The following ENOSF1 variants were observed in gnomAD, a reference collection of about 807,000 sequenced individuals.
ENOSF1 encodes the protein mitochondrial enolase superfamily member 1.
In ENOSF1, 73 loss-of-function variants were observed where a neutral mutation model predicts 68.2. That is an observed-to-expected ratio of 1.07 (90% confidence interval 0.89 to 1.30). The LOEUF (loss-of-function observed/expected upper bound fraction) is 1.30. ENOSF1 is among the 50% of genes most tolerant of loss of function. ENOSF1 has a pLI of 0.00. For synonymous variants in ENOSF1, 223 were observed against 210.4 expected (o/e 1.06, Z -0.52); for missense variants, 589 against 554.5 (o/e 1.06, Z -0.62).
At chr18:685,495 C>T (rs1331455412) in intron 10 of ENOSF1, among the ~76,000 whole-genome samples, 1 of 152,134 alleles carries the variant, frequency 6.6e-6, no homozygotes, top group South Asian at 2.1e-4. Flanking sequence ...ATATTTTACA[C>T]GTAAGAACTG....
chr18:705,933 C>T (rs2078878109), intron 2 of ENOSF1, among the ~76,000 whole-genome samples: 1 of 152,040 alleles, frequency 6.6e-6, no homozygotes, highest in East Asian at 1.9e-4. Flanking sequence ...TGCTTGAACC[C>T]AGGAGGCAGA....
At chr18:664,127 TATTG>T in the ENOSF1 span, among the ~76,000 whole-genome samples, 1 of 151,430 alleles carries the variant, frequency 6.6e-6, no homozygotes, top group Non-Finnish European at 1.5e-5. Flanking sequence ...ATTTTCACGA[TATTG>T]ATTCTTCCTA....
At chr18:684,920 G>A (rs555995734) in intron 10 of ENOSF1, among the ~76,000 whole-genome samples, 71 of 152,130 alleles carry the variant, frequency 4.7e-4, no homozygotes, top group Non-Finnish European at 9.4e-4. Flanking sequence ...GAGTGCAGTG[G>A]TATTATTGTA....
intron 2 of ENOSF1, among the ~76,000 whole-genome samples, chr18:699,452 T>C (rs1323697753): frequency 6.6e-6 from 1 of 150,746 alleles, no homozygotes; most frequent in Non-Finnish European, 1.5e-5. Flanking sequence ...CACTCCAGCC[T>C]AGGTGACAGA....
At chr18:712,270 A>G in intron 1 of ENOSF1, 2 of 1,529,510 alleles carry the variant, frequency 1.3e-6, no homozygotes, top group East Asian at 4.9e-5. Context: ...ACTTTACAGA[A>G]GCAATGGGTT....
downstream of ENOSF1, chr18:669,077 T>G (rs1255807993): frequency 1.2e-6 from 2 of 1,613,554 alleles, no homozygotes; most frequent in Non-Finnish European, 1.7e-6. Context: ...TACAGATTAT[T>G]CAGGACAGGG....
At chr18:666,784 G>A (rs189008307), downstream of ENOSF1, among the ~76,000 whole-genome samples, 22 of 152,374 alleles carry the variant, frequency 1.4e-4, no homozygotes, top group East Asian at 2.9e-3. Context: ...AGTTCTTAAA[G>A]GCAGAAAGTG....
intron 5 of ENOSF1, chr18:692,659 A>G (rs2077314855): frequency 1.0e-6 from 1 of 963,234 alleles, no homozygotes; most frequent in Admixed American, 6.1e-5. Flanking sequence ...ATTGAAAGGG[A>G]ACAGGATCCA....
rs1222512448 is a variant in ENOSF1, at chr18:670,525, C to T, written c.*3780G>A. On this transcript the variant is annotated 3_prime_UTR_variant, in exon 16 of 16. Transcript: ENST00000647584. ...ACCGATGGATAGTCTCCCTCAGCTC[C>T]GTGCCATCGCTGCAGAGGCTGTTAT... The T allele has an allele frequency of 3.3e-5, 22 of 662,516 alleles. No individual in the cohort carries two copies. The highest frequency in any genetic ancestry group is 3.6e-4 in the Middle Eastern group (1 of 2,756). The allele number at this position is 662,516 out of a possible 1,614,324, so 41.0% of individuals were successfully genotyped here. A position where few individuals can be genotyped will look rare whatever the true frequency, so the allele number is the denominator to read the frequency against.
rs1405578608 is a variant in ENOSF1, at chr18:677,524, T to C, written c.1049-80A>G. 6 of 1,341,170 alleles carry C rather than the reference T, an allele frequency of 4.5e-6. No homozygotes were observed. In the African/African-American group the frequency reaches 8.9e-5, roughly 20 times the overall value. 83.1% of individuals were successfully genotyped at this position (1,341,170 alleles called of 1,614,324 possible). A position where few individuals can be genotyped will look rare whatever the true frequency, so the allele number is the denominator to read the frequency against. On this transcript the variant is annotated intron_variant, in intron 13 of 15. Coordinates refer to ENST00000647584, the MANE Select transcript of ENOSF1 (RefSeq NM_017512.7). ...GTGAAAGGGAACTTTCTGGTTTTTC[T>C]TATTGCCCACAGGTGATTAAATCAT...
chr18:703,829 T>C lies in ENOSF1; in HGVS notation c.193+2641A>G. 1.3e-5 allele frequency among the ~76,000 whole-genome samples: 2 copies of C among 152,174 alleles called. 1 individual carries two copies. On this transcript the variant is annotated intron_variant, in intron 2 of 15. Transcript: ENST00000647584. The stretch of plus-strand genomic sequence containing the variant: ...CTGGTGGGAGGTGATTATTAGATCT[T>C]GGAGGTGGATTTCTCCTGAATGGTT...
rs960809056 is a variant in ENOSF1, at chr18:691,009, G to A, written c.535+59C>T. ...ACAATGTGTACCCCAAAAGGACAGGGGCACTCAAAAGTGGACAATGTTAGC... is the reference window on the plus strand; with the variant it reads ...ACAATGTGTACCCCAAAAGGACAGGAGCACTCAAAAGTGGACAATGTTAGC... On this transcript the variant is annotated intron_variant, in intron 7 of 15. Coordinates refer to ENST00000647584, the MANE Select transcript of ENOSF1 (RefSeq NM_017512.7). The A allele has an allele frequency of 2.6e-6, 4 of 1,568,196 alleles. No individual in the cohort carries two copies. In the Admixed American group the frequency reaches 5.0e-5, roughly 20 times the overall value.
In ENOSF1 at chr18:671,305, A is replaced by G; in HGVS notation, c.*3000T>C. 1.0e-6 allele frequency: 1 copy of G among 1,003,686 alleles called. No homozygotes were observed. Among genetic ancestry groups the G allele is most frequent in the East Asian group, 2.4e-5 (1 of 42,152 alleles). 62.2% of individuals were successfully genotyped at this position (1,003,686 alleles called of 1,614,324 possible). A position where few individuals can be genotyped will look rare whatever the true frequency, so the allele number is the denominator to read the frequency against. ...AAAAAAAGCCTTGCGGTGTCTGCAT[A>G]TTCTAATGTTTTTAAATGATGTTTT... On this transcript the variant is annotated 3_prime_UTR_variant, in exon 16 of 16. Transcript: ENST00000647584.
In ENOSF1 at chr18:674,693, T is replaced by C. The variant is rs147658143; in HGVS notation, c.1231-287A>G. On this transcript the variant is annotated intron_variant, in intron 15 of 15. Coordinates refer to ENST00000647584, the MANE Select transcript of ENOSF1 (RefSeq NM_017512.7). ...GCCACCATGCCCGGCTAATTTTTTG[T>C]ATTTTTTGTAGAGACAGGGTTTCAC... 2.0e-5 allele frequency among the ~76,000 whole-genome samples: 3 copies of C among 152,314 alleles called. No homozygotes were observed. The East Asian group carries it at 5.8e-4, about 29-fold the overall frequency.
intron 5 of ENOSF1, chr18:693,668 G>C: frequency 1.0e-6 from 1 of 985,372 alleles, no homozygotes; most frequent in Non-Finnish European, 1.2e-6. Context: ...CCCCCTCACT[G>C]CTTCCCCTCA....
intron 9 of ENOSF1, among the ~76,000 whole-genome samples, chr18:686,615 T>C (rs1338418716): frequency 6.6e-6 from 1 of 152,158 alleles, no homozygotes; most frequent in Non-Finnish European, 1.5e-5. Flanking sequence ...TTAATCTCTG[T>C]GGATGTCCAG....
downstream of ENOSF1, among the ~76,000 whole-genome samples, chr18:666,023 T>C (rs2074808769): frequency 1.0e-5 from 1 of 97,734 alleles, no homozygotes; most frequent in Admixed American, 8.8e-5. Context: ...TGTAGATGTC[T>C]ATTAGGTCCG....
At chr18:679,823 T>C (rs996323145) in intron 11 of ENOSF1, among the ~76,000 whole-genome samples, 1 of 152,172 alleles carries the variant, frequency 6.6e-6, no homozygotes, top group African/African-American at 2.4e-5. Context: ...ACAGGTAGCC[T>C]TGGTTCCTCC....
rs940918157 is a variant in ENOSF1, at chr18:670,979, A to C, written c.*3326T>G. The C allele has an allele frequency of 7.6e-7, 1 of 1,309,964 alleles. No individual in the cohort carries two copies. Among genetic ancestry groups the C allele is most frequent in the Admixed American group, 2.5e-5 (1 of 40,538 alleles). 81.1% of individuals were successfully genotyped at this position (1,309,964 alleles called of 1,614,324 possible). A position where few individuals can be genotyped will look rare whatever the true frequency, so the allele number is the denominator to read the frequency against. Reference sequence around the variant, plus strand: ...AGTCTCTGATTAGCTTTTAAATTTGATATGTGTAAGTAAGAAATGAACCAG... The same window carrying C: ...AGTCTCTGATTAGCTTTTAAATTTGCTATGTGTAAGTAAGAAATGAACCAG... On this transcript the variant is annotated 3_prime_UTR_variant, in exon 16 of 16. Transcript: ENST00000647584.
Sources: gnomAD v4.1 joint callset for allele counts (sites outside exome capture counted in the v4.1 genomes callset) on GRCh38, gnomAD v4.1.1 for gene constraint, MANE v1.5 for transcripts, NCBI Gene and HGNC (gene_info 2026-07-23, HGNC 2026-07-21) for gene names.